The following WDR7 variants were observed in gnomAD, a reference collection of about 807,000 sequenced individuals.
The protein encoded by WDR7 is WD repeat domain 7.
WDR7 carries 46 observed loss-of-function variants against 169.4 expected under a neutral mutation model. The ratio of observed to expected loss-of-function variants is 0.27; its 90% CI spans 0.21 to 0.35. The LOEUF (loss-of-function observed/expected upper bound fraction) is 0.35. WDR7 is among the 10% of genes least tolerant of loss of function. The pLI is 1.00. For missense variants in WDR7, 1,534 were observed against 1,859.3 expected (o/e 0.83, Z 3.22); for synonymous variants, 612 against 666.8 (o/e 0.92, Z 1.27).
At chr18:57,017,215 G>GCAC (rs1366732839) in intron 26 of WDR7, among the ~76,000 whole-genome samples, 1 of 152,220 alleles carries the variant, frequency 6.6e-6, no homozygotes, top group African/African-American at 2.4e-5. Context: ...GAGGGTTGAA[G>GCAC]CACCTCTCGG....
chr18:56,829,248 G>A (rs910088423), intron 20 of WDR7, among the ~76,000 whole-genome samples: 22 of 147,078 alleles, frequency 1.5e-4, no homozygotes, highest in Admixed American at 4.7e-4. Flanking sequence ...ACAGAGGGAG[G>A]CCTTCTGTAA....
intron 26 of WDR7, among the ~76,000 whole-genome samples, chr18:56,988,119 G>A (rs1410487504): frequency 6.6e-6 from 1 of 152,114 alleles, no homozygotes; most frequent in Non-Finnish European, 1.5e-5. Context: ...GTTGATTAAG[G>A]TATCATTCAT....
At chr18:56,943,622 A>G (rs2047061991) in intron 25 of WDR7, among the ~76,000 whole-genome samples, 2 of 152,188 alleles carry the variant, frequency 1.3e-5, no homozygotes, top group African/African-American at 4.8e-5. Context: ...ATTAGCTAAT[A>G]TGTATTTCAA....
chr18:56,847,014 C>G (rs1055606526), intron 20 of WDR7, among the ~76,000 whole-genome samples: 1 of 152,078 alleles, frequency 6.6e-6, no homozygotes, highest in Non-Finnish European at 1.5e-5. Flanking sequence ...AACAGGCAGA[C>G]GTTGGAAGCA....
chr18:56,899,184 T>G (rs2046369262), intron 21 of WDR7, among the ~76,000 whole-genome samples: 1 of 152,052 alleles, frequency 6.6e-6, no homozygotes, highest in Non-Finnish European at 1.5e-5. Context: ...TACAGTTTTA[T>G]TTATAGATTT....
intron 1 of WDR7, among the ~76,000 whole-genome samples, chr18:56,662,036 A>G (rs143751453): frequency 4.9e-4 from 75 of 152,322 alleles, no homozygotes; most frequent in African/African-American, 1.6e-3. Flanking sequence ...CTTTCACTGC[A>G]GCTGTGGCAA....
intron 19 of WDR7, among the ~76,000 whole-genome samples, chr18:56,792,517 A>G (rs1260092280): frequency 6.6e-6 from 1 of 152,174 alleles, no homozygotes; most frequent in Non-Finnish European, 1.5e-5. Flanking sequence ...CATGTTTTTC[A>G]AACATTTTAG....
intron 25 of WDR7, among the ~76,000 whole-genome samples, chr18:56,945,079 A>G (rs981917284): frequency 1.3e-5 from 2 of 152,196 alleles, no homozygotes; most frequent in African/African-American, 2.4e-5. Flanking sequence ...CACATACTTA[A>G]AACATCCACT....
intron 14 of WDR7, among the ~76,000 whole-genome samples, chr18:56,747,916 T>TC (rs1312067615): frequency 1.3e-5 from 2 of 152,168 alleles, no homozygotes; most frequent in East Asian, 3.8e-4. Flanking sequence ...TTTCTTCTTT[T>TC]CATTTTCTCA....
chr18:56,757,367 G>A lies in WDR7; in HGVS notation c.2759+15G>A, dbSNP rs2043909668. 2 of 1,526,042 alleles carry A rather than the reference G, an allele frequency of 1.3e-6. No individual in the cohort carries two copies. Among genetic ancestry groups the A allele is most frequent in the South Asian group, 1.3e-5 (1 of 77,972 alleles). 94.5% of individuals were successfully genotyped at this position (1,526,042 alleles called of 1,614,324 possible). A position where few individuals can be genotyped will look rare whatever the true frequency, so the allele number is the denominator to read the frequency against. On this transcript the variant is annotated intron_variant, in intron 15 of 27. Transcript: ENST00000254442. ...GGTCCTACCAGGTGTGACCATGATA[G>A]TTTGATTTTATTCTTAAGTTTCAAA... is the stretch of plus-strand genomic sequence containing the variant.
At chr18:56,981,080 T>A (rs774374575) in intron 26 of WDR7, among the ~76,000 whole-genome samples, 11 of 152,142 alleles carry the variant, frequency 7.2e-5, no homozygotes, top group Non-Finnish European at 1.5e-4. Context: ...AGGTTAGAGA[T>A]GAGAGTAGCC....
intron 12 of WDR7, among the ~76,000 whole-genome samples, chr18:56,705,310 T>G (rs1191723301): frequency 2.6e-5 from 4 of 152,178 alleles, no homozygotes; most frequent in African/African-American, 9.6e-5. Flanking sequence ...TTTTTTTTTT[T>G]TGTAATATTT....
chr18:56,948,649 A>G (rs1308106955), intron 25 of WDR7, among the ~76,000 whole-genome samples: 1 of 152,228 alleles, frequency 6.6e-6, no homozygotes, highest in Non-Finnish European at 1.5e-5. Context: ...TTGATTCTAT[A>G]AAAGACCTTC....
chr18:56,849,094 C>T (rs1161641034), intron 20 of WDR7, among the ~76,000 whole-genome samples: 1 of 151,952 alleles, frequency 6.6e-6, no homozygotes, highest in Non-Finnish European at 1.5e-5. Context: ...CCCAGTGTAC[C>T]CTTCATCTAT....
rs2025708895 is a variant in WDR7, at chr18:56,696,568, A to T, written c.1578+106A>T. 3.0e-6 allele frequency: 3 copies of T among 992,340 alleles called. No individual in the cohort carries two copies. The East Asian group carries it at 7.8e-5, about 26-fold the overall frequency. The allele number at this position is 992,340 out of a possible 1,614,324, so 61.5% of individuals were successfully genotyped here. On this transcript the variant is annotated intron_variant, in intron 12 of 27. Coordinates refer to ENST00000254442, the MANE Select transcript of WDR7 (RefSeq NM_015285.3). ...ACTAACTTAAAGGAAGTGTGACAAGATAATTAAGAAAACCCTTTCAATTTT... is the reference window on the plus strand; with the variant it reads ...ACTAACTTAAAGGAAGTGTGACAAGTTAATTAAGAAAACCCTTTCAATTTT...
intron 12 of WDR7, among the ~76,000 whole-genome samples, chr18:56,712,973 G>A (rs1444943571): frequency 1.3e-5 from 2 of 152,080 alleles, no homozygotes; most frequent in Admixed American, 6.6e-5. Context: ...GGCAAGAGTG[G>A]GTGAGCCTCA....
chr18:56,908,932 CTAAGTA>C (rs1415719740), intron 21 of WDR7, among the ~76,000 whole-genome samples: 18 of 152,262 alleles, frequency 1.2e-4, no homozygotes, highest in South Asian at 6.2e-4. Context: ...ATTTTCAAGT[CTAAGTA>C]TAATTTCCAG....
intron 20 of WDR7, among the ~76,000 whole-genome samples, chr18:56,847,992 G>A (rs1221928697): frequency 1.3e-5 from 2 of 152,336 alleles, no homozygotes; most frequent in East Asian, 3.9e-4. Flanking sequence ...ACTGCCTAGT[G>A]GAGCTGTAGG....
At chr18:56,916,680 T>C (rs895043134) in intron 21 of WDR7, among the ~76,000 whole-genome samples, 1 of 152,232 alleles carries the variant, frequency 6.6e-6, no homozygotes, top group Non-Finnish European at 1.5e-5. Flanking sequence ...GCATCTGTGG[T>C]TATAAGAAAA....
Sources: allele counts gnomAD v4.1 joint callset (sites outside exome capture counted in the v4.1 genomes callset), GRCh38; gene constraint gnomAD v4.1.1; transcripts MANE v1.5; gene names NCBI Gene and HGNC (gene_info 2026-07-23, HGNC 2026-07-21).